Variants in KIFAP3 observed in about 807,000 individuals in gnomAD.
KIFAP3 encodes kinesin-associated protein 3.
In KIFAP3, 68 loss-of-function variants were observed where a neutral mutation model predicts 106.5. That is an observed-to-expected ratio of 0.64 (90% CI 0.53 to 0.78). The LOEUF (loss-of-function observed/expected upper bound fraction) is 0.78. Ranked by LOEUF, KIFAP3 falls within the 30% of genes least tolerant of loss-of-function variation. The pLI, the probability that KIFAP3 is intolerant of heterozygous loss-of-function variation, is 0.00. For missense variants in KIFAP3, 780 were observed against 941.8 expected (o/e 0.83, Z 2.25); for synonymous variants, 320 against 311.5 (o/e 1.03, Z -0.29).
intron 1 of KIFAP3, among the ~76,000 whole-genome samples, chr1:170,059,718 AAG>A (rs1262424168): frequency 6.6e-6 from 1 of 152,048 alleles, no homozygotes; most frequent in Non-Finnish European, 1.5e-5. Context: ...AACAAAAAAA[AAG>A]AATTTTAAAC....
chr1:170,066,749 A>G (rs1671466480), intron 1 of KIFAP3, among the ~76,000 whole-genome samples: 1 of 152,190 alleles, frequency 6.6e-6, no homozygotes, highest in African/African-American at 2.4e-5. Context: ...AGCTTGAAAC[A>G]GGAGGACTAC....
At chr1:169,941,599 T>A (rs1003912942) in intron 19 of KIFAP3, among the ~76,000 whole-genome samples, 1 of 152,140 alleles carries the variant, frequency 6.6e-6, no homozygotes, top group Non-Finnish European at 1.5e-5. Flanking sequence ...ATTTCCTTTT[T>A]TGATTTATTT....
At chr1:170,065,130 C>T (rs1358310031) in intron 1 of KIFAP3, among the ~76,000 whole-genome samples, 2 of 152,108 alleles carry the variant, frequency 1.3e-5, no homozygotes, top group Non-Finnish European at 2.9e-5. Context: ...ATGAAATACT[C>T]CTCTGTAGTT....
chr1:170,082,315 G>A (rs929389907), intron 1 of KIFAP3, among the ~76,000 whole-genome samples: 5 of 152,032 alleles, frequency 3.3e-5, no homozygotes, highest in African/African-American at 7.2e-5. Flanking sequence ...TCATTATGAC[G>A]AAAGAACCAT....
intron 9 of KIFAP3, among the ~76,000 whole-genome samples, chr1:170,017,182 G>A (rs933946333): frequency 2.7e-5 from 4 of 149,046 alleles, no homozygotes; most frequent in Admixed American, 6.8e-5. Context: ...ACCTGAACCC[G>A]GGAAACAGAG....
At chr1:170,020,004 T>C (rs1003202537) in intron 9 of KIFAP3, among the ~76,000 whole-genome samples, 3 of 152,294 alleles carry the variant, frequency 2.0e-5, no homozygotes, top group Non-Finnish European at 4.4e-5. Context: ...AAGGTCAATA[T>C]GCAAAATCAA....
At chr1:170,041,802 C>T (rs543834880) in intron 3 of KIFAP3, 5 of 1,513,228 alleles carry the variant, frequency 3.3e-6, no homozygotes, top group African/African-American at 2.7e-5. Context: ...CCTTAAAGGT[C>T]GTGTTCCCTC....
Position 170,074,583 on chromosome 1 carries a change from C to T in KIFAP3, c.-116G>A. The T allele has an allele frequency of 2.6e-6, 4 of 1,566,118 alleles. No individual in the cohort carries two copies. In the East Asian group the frequency reaches 7.1e-5, roughly 28 times the overall value. On this transcript the variant is annotated 5_prime_UTR_variant, in exon 1 of 20. Coordinates refer to ENST00000361580, the MANE Select transcript of KIFAP3 (RefSeq NM_014970.4). ...CCAGAGGCGATGACAGTCCTGAGGC[C>T]TGCAAGGCGGGGCAGCAGCGGCGCT...
At chr1:170,065,113 T>C (rs1176070124) in intron 1 of KIFAP3, among the ~76,000 whole-genome samples, 2 of 152,220 alleles carry the variant, frequency 1.3e-5, no homozygotes, top group Non-Finnish European at 2.9e-5. Context: ...TAGCAGATTT[T>C]ATCAGTATGA....
rs16862931 is a variant in KIFAP3, at chr1:170,016,418, T to C, written c.1183+44A>G. ...ACAGAGCTCAATTTTCCAGCGATGT[T>C]GGAAATTCCAGACAACACTGTCATT... is the stretch of plus-strand genomic sequence containing the variant. On this transcript the variant is annotated intron_variant, in intron 10 of 19. Transcript: ENST00000361580. 15,739 of 1,526,110 alleles carry C rather than the reference T, an allele frequency of 0.01. 674 individuals carry two copies. The East Asian group carries it at 0.13, about 12-fold the overall frequency. The allele number at this position is 1,526,110 out of a possible 1,614,324, so 94.5% of individuals were successfully genotyped here.
chr1:170,083,146 G>C (rs183505783), intron 1 of KIFAP3, among the ~76,000 whole-genome samples: 226 of 152,206 alleles, frequency 1.5e-3, no homozygotes, highest in Non-Finnish European at 2.6e-3. Flanking sequence ...AAAAAGAATA[G>C]AGAGGCTAGA....
At chr1:169,968,356 C>A (rs1168782594) in intron 17 of KIFAP3, among the ~76,000 whole-genome samples, 1 of 151,916 alleles carries the variant, frequency 6.6e-6, no homozygotes, top group African/African-American at 2.4e-5. Flanking sequence ...TGGCTTCCGT[C>A]ACACCTTGTA....
intron 11 of KIFAP3, among the ~76,000 whole-genome samples, chr1:169,989,818 A>G (rs527797431): frequency 7.2e-4 from 109 of 152,212 alleles, no homozygotes; most frequent in African/African-American, 2.6e-3. Flanking sequence ...TGAATAGCAA[A>G]TCACTTTTAG....
chr1:170,076,113 C>G (rs1671900235), upstream of KIFAP3, among the ~76,000 whole-genome samples: 1 of 152,078 alleles, frequency 6.6e-6, no homozygotes, highest in African/African-American at 2.4e-5. Flanking sequence ...GCTCCTTGAG[C>G]TCAGAGAACT....
At chr1:170,045,352 G>A (rs1459801821) in intron 3 of KIFAP3, among the ~76,000 whole-genome samples, 2 of 152,032 alleles carry the variant, frequency 1.3e-5, no homozygotes, top group African/African-American at 4.8e-5. Flanking sequence ...ATTCATATAG[G>A]TATCTGTAGG....
At chr1:170,074,993 G>T (rs1302745247), upstream of KIFAP3, among the ~76,000 whole-genome samples, 34 of 152,186 alleles carry the variant, frequency 2.2e-4, no homozygotes, top group Non-Finnish European at 1.5e-5. Context: ...GGCCTGAATG[G>T]CCCTGATTGC....
At chr1:170,031,422 T>C (rs928676832) in intron 8 of KIFAP3, among the ~76,000 whole-genome samples, 1 of 151,730 alleles carries the variant, frequency 6.6e-6, no homozygotes, top group Non-Finnish European at 1.5e-5. Flanking sequence ...ACCATAAGAT[T>C]TTACATCTTA....
chr1:169,993,400 G>A (rs982274773), intron 10 of KIFAP3, among the ~76,000 whole-genome samples: 4 of 151,416 alleles, frequency 2.6e-5, no homozygotes, highest in Admixed American at 1.3e-4. Flanking sequence ...GTGAGCCACC[G>A]CGCCTGGCCC....
intron 1 of KIFAP3, among the ~76,000 whole-genome samples, chr1:170,066,515 C>A (rs1215751010): frequency 6.6e-6 from 1 of 151,856 alleles, no homozygotes; most frequent in East Asian, 1.9e-4. Flanking sequence ...CATAAGAGAA[C>A]TAAAAAGGCA....
Sources: allele counts gnomAD v4.1 joint callset (sites outside exome capture counted in the v4.1 genomes callset), GRCh38; gene constraint gnomAD v4.1.1; transcripts MANE v1.5; gene names NCBI Gene and HGNC (gene_info 2026-07-23, HGNC 2026-07-21).